Variants in MSH6 observed in about 807,000 individuals in gnomAD.
The protein encoded by MSH6 is mutS homolog 6.
A neutral mutation model predicts 119.1 loss-of-function variants in MSH6; 85 were observed. The ratio of observed to expected loss-of-function variants is 0.71; its 90% confidence interval spans 0.60 to 0.85. The LOEUF (loss-of-function observed/expected upper bound fraction) is 0.85. Ranked by LOEUF, MSH6 falls within the 40% of genes least tolerant of loss-of-function variation. MSH6 has a pLI of 0.00. For missense variants in MSH6, 2,163 were observed against 1,655.3 expected (o/e 1.31, Z -5.32); for synonymous variants, 830 against 586.9 (o/e 1.41, Z -5.99).
At chr2:47,803,140 A>ACT (rs1248274553) in intron 4 of MSH6, among the ~76,000 whole-genome samples, 1 of 152,218 alleles carries the variant, frequency 6.6e-6, no homozygotes, top group East Asian at 1.9e-4. Flanking sequence ...CTGGTCCTGA[A>ACT]CTGCTGACCT....
downstream of MSH6, chr2:47,809,118 G>C (rs375469915): frequency 7.8e-7 from 1 of 1,278,862 alleles, no homozygotes; most frequent in African/African-American, 1.5e-5. Context: ...AAGGAAATCA[G>C]TCTTCCTCTT....
At chr2:47,794,806 G>T (rs1046058816) in intron 2 of MSH6, among the ~76,000 whole-genome samples, 2 of 151,740 alleles carry the variant, frequency 1.3e-5, no homozygotes, top group African/African-American at 4.8e-5. Context: ...GTGTTTGTTT[G>T]TTTTTTGAGA....
intron 1 of MSH6, among the ~76,000 whole-genome samples, chr2:47,786,497 G>C (rs924473338): frequency 1.6e-5 from 2 of 125,390 alleles, no homozygotes; most frequent in Admixed American, 1.7e-4. Context: ...ACCACGCCCA[G>C]CTAATTTTTG....
chr2:47,797,686 C>G (rs1444982566), intron 3 of MSH6: 1 of 152,388 alleles, frequency 6.6e-6, no homozygotes, highest in African/African-American at 2.4e-5. Context: ...CCGAGCTGGC[C>G]TTGAACTTCT....
In MSH6 at chr2:47,800,909, C is replaced by T. The variant is rs587782386; in HGVS notation, c.2926C>T (p.Arg976Cys). The T allele has an allele frequency of 3.2e-6, 5 of 1,584,240 alleles. No homozygotes were observed. The highest frequency in any genetic ancestry group is 4.3e-6 in the Non-Finnish European group (5 of 1,167,206). ...AGTCTATTGGGGGATTGGTAGGAAC[C>T]GTTACCAGCTGGAAATTCCTGAGAA... Reference protein sequence around the residue: ...TIVYWGIGRNRYQLEIPENFT... With the variant: ...TIVYWGIGRNCYQLEIPENFT... The change falls in exon 4 of 10, where the codon CGT becomes TGT. Residue 976 changes from arginine (R) to cysteine (C), a missense_variant. Coordinates refer to ENST00000234420, the MANE Select transcript of MSH6 (RefSeq NM_000179.3).
rs551949725 is a variant in MSH6, at chr2:47,803,404, C to T, written c.3173-16C>T. 4.3e-6 allele frequency: 7 copies of T among 1,614,112 alleles called. No individual in the cohort carries two copies. Among genetic ancestry groups the T allele is most frequent in the Admixed American group, 1.7e-5 (1 of 59,998 alleles). On this transcript the variant is annotated splice_polypyrimidine_tract_variant and intron_variant, in intron 4 of 9. Transcript: ENST00000234420. Reference sequence around the variant, plus strand: ...CCCAAACGATGAAGCCTCACTTTTACCCTCTCTTTTAACAGATGTTTTACT... The same window carrying T: ...CCCAAACGATGAAGCCTCACTTTTATCCTCTCTTTTAACAGATGTTTTACT...
chr2:47,793,888 G>A (rs1668911261), intron 2 of MSH6, among the ~76,000 whole-genome samples: 1 of 151,608 alleles, frequency 6.6e-6, no homozygotes, highest in Admixed American at 6.6e-5. Context: ...CCACCACCAG[G>A]CCCAGCTGAT....
intron 1 of MSH6, among the ~76,000 whole-genome samples, chr2:47,786,750 G>T (rs1031808710): frequency 2.6e-5 from 4 of 151,640 alleles, no homozygotes; most frequent in African/African-American, 9.7e-5. Flanking sequence ...TGTCATTTGT[G>T]TGTGATATAA....
chr2:47,794,010 G>A lies in MSH6; in HGVS notation c.458-1884G>A, dbSNP rs966326562. 4.0e-5 allele frequency among the ~76,000 whole-genome samples: 6 copies of A among 151,238 alleles called. No individual in the cohort carries two copies. The East Asian group carries it at 1.2e-3, about 31-fold the overall frequency. ...GCCTCCCAAAGTGCTGGGATTAGGTGTGAGCCACTGGGCTGGCCCAGAATG... is the reference window on the plus strand; with the variant it reads ...GCCTCCCAAAGTGCTGGGATTAGGTATGAGCCACTGGGCTGGCCCAGAATG... On this transcript the variant is annotated intron_variant, in intron 2 of 9. Coordinates refer to ENST00000234420, the MANE Select transcript of MSH6 (RefSeq NM_000179.3).
rs1558652032 is a variant in MSH6, at chr2:47,791,021, T to C, written c.355T>C (p.Phe119Leu). ...TTACAACCACCCCTTTGATGGAACA[T>C]TCATCCGCGAGAAAGGGAAATCAGT... The part of the protein sequence containing the change: ...LVYNHPFDGT[F>L]IREKGKSVRV... Residue 119 changes from phenylalanine (F) to leucine (L), a missense_variant, in exon 2 of 10, where the codon TTC becomes CTC. Phe to Leu is a conservative substitution (Grantham distance 22). Transcript: ENST00000234420. 1 of 1,614,242 alleles carries C rather than the reference T, an allele frequency of 6.2e-7. No homozygotes were observed. Among genetic ancestry groups the C allele is most frequent in the Non-Finnish European group, 8.5e-7 (1 of 1,180,030 alleles).
At position 47,796,040 on chromosome 2, in the gene MSH6, C is replaced by G. The variant is rs1064794301; in HGVS notation, c.604C>G (p.Pro202Ala). 1 of 1,613,242 alleles carries G rather than the reference C, an allele frequency of 6.2e-7. No individual in the cohort carries two copies. The highest frequency in any genetic ancestry group is 8.5e-7 in the Non-Finnish European group (1 of 1,179,942). The change falls in exon 3 of 10, where the codon CCA (proline) becomes GCA (alanine). Residue 202 changes from proline (P) to alanine (A), a missense_variant. Transcript: ENST00000234420. The stretch of plus-strand genomic sequence containing the variant: ...GGCAGTTTGTGATGAGCCCTCAGAG[C>G]CAGAAGAGGAAGAAGAGATGGAGGT... ...ELAVCDEPSE[P>A]EEEEEMEVGT...
chr2:47,790,021 T>A (rs1455703117), intron 1 of MSH6, among the ~76,000 whole-genome samples: 1 of 152,190 alleles, frequency 6.6e-6, no homozygotes, highest in Non-Finnish European at 1.5e-5. Context: ...TGATTTAAAA[T>A]TTTTAATCTA....
intron 1 of MSH6, among the ~76,000 whole-genome samples, chr2:47,785,541 G>T (rs1668300809): frequency 6.6e-6 from 1 of 152,172 alleles, no homozygotes; most frequent in Non-Finnish European, 1.5e-5. Flanking sequence ...TTTGAGTAAT[G>T]GATTTCAAAT....
At chr2:47,807,168 C>A, downstream of MSH6, 1 of 287,516 alleles carries the variant, frequency 3.5e-6, no homozygotes, top group Non-Finnish European at 6.5e-6. Flanking sequence ...CTTGTCTCAG[C>A]TTAATGCAGG....
At chr2:47,796,283 T>A (rs1669085731) in intron 3 of MSH6, among the ~76,000 whole-genome samples, 1 of 152,194 alleles carries the variant, frequency 6.6e-6, no homozygotes, top group Non-Finnish European at 1.5e-5. Flanking sequence ...TTTTCAAGCC[T>A]ACTGGCAGGG....
chr2:47,783,259 G>A lies in MSH6; in HGVS notation c.26G>A (p.Ser9Asn), dbSNP rs1572697767. ...ATGTCGCGACAGAGCACCCTGTACA[G>A]CTTCTTCCCCAAGTCTCCGGCGCTG... MSRQSTLY[S>N]FFPKSPALSD... Residue 9 changes from serine (S) to asparagine (N), a missense_variant, in exon 1 of 10, where the codon AGC (serine) becomes AAC (asparagine). Transcript: ENST00000234420. 6.2e-7 allele frequency: 1 copy of A among 1,612,180 alleles called. No individual in the cohort carries two copies. Among genetic ancestry groups the A allele is most frequent in the Non-Finnish European group, 8.5e-7 (1 of 1,179,586 alleles).
downstream of MSH6, chr2:47,809,317 A>G (rs374047408): frequency 2.1e-4 from 251 of 1,206,758 alleles, no homozygotes; most frequent in African/African-American, 4.2e-4. Flanking sequence ...TTAATATTTT[A>G]AAAACCAAAG....
At chr2:47,796,387 A>G (rs1669097904) in intron 3 of MSH6, among the ~76,000 whole-genome samples, 2 of 152,022 alleles carry the variant, frequency 1.3e-5, no homozygotes, top group African/African-American at 4.8e-5. Flanking sequence ...CAGGCCCTAG[A>G]AATTAATTAT....
chr2:47,792,849 T>C (rs1257530728), intron 2 of MSH6, among the ~76,000 whole-genome samples: 1 of 113,434 alleles, frequency 8.8e-6, no homozygotes, highest in Non-Finnish European at 1.9e-5. Flanking sequence ...TTATATAGTT[T>C]TTTTTTTTTT....
Sources: allele counts gnomAD v4.1 joint callset (sites outside exome capture counted in the v4.1 genomes callset), GRCh38; gene constraint gnomAD v4.1.1; transcripts MANE v1.5; gene names NCBI Gene and HGNC (gene_info 2026-07-23, HGNC 2026-07-21).